Variants in PDE4D observed in about 807,000 individuals in gnomAD.
PDE4D encodes phosphodiesterase 4D.
PDE4D carries 24 observed loss-of-function variants against 87.4 expected under a neutral mutation model. The observed-to-expected ratio is 0.27, with a 90% CI of 0.20 to 0.39. The LOEUF is 0.39. PDE4D is among the 10% of genes least tolerant of loss of function. The probability of loss-of-function intolerance (pLI) is 1.00; values close to 1 mark genes in which losing one functional copy is unlikely to be tolerated. For synonymous variants in PDE4D, 384 were observed against 383.2 expected (o/e 1.00, Z -0.02); for missense variants, 714 against 1,041.0 (o/e 0.69, Z 4.32).
rs1477148256 is a variant in PDE4D at position 59,067,035 on chromosome 5, G to T, written c.809-28064C>A. ...TTATTTATTTATTTATTTATTTAGA[G>T]AGAGAGTTTTGCTCTGTCACTCGGG... On this transcript the variant is annotated intron_variant, in intron 5 of 14. Coordinates refer to ENST00000340635, the MANE Select transcript of PDE4D (RefSeq NM_001104631.2). Among the ~76,000 whole-genome samples, 165 of 116,834 alleles carry T rather than the reference G, an allele frequency of 1.4e-3. 1 individual carries two copies. The highest frequency in any genetic ancestry group is 2.2e-3 in the Admixed American group (25 of 11,432). 76.6% of individuals were successfully genotyped at this position (116,834 alleles called of 152,430 possible).
chr5:59,013,319 T>C (rs1021290483), intron 6 of PDE4D, among the ~76,000 whole-genome samples: 7 of 151,744 alleles, frequency 4.6e-5, no homozygotes, highest in Non-Finnish European at 8.8e-5. Flanking sequence ...CTGAAGGAGA[T>C]AGAGACACAA....
intron 1 of PDE4D, among the ~76,000 whole-genome samples, chr5:59,393,260 T>G (rs548432383): frequency 6.6e-6 from 1 of 152,128 alleles, no homozygotes; most frequent in Non-Finnish European, 1.5e-5. Context: ...TTGAGATCAA[T>G]GCCAGAGATG....
intron 1 of PDE4D, among the ~76,000 whole-genome samples, chr5:60,220,143 G>C (rs1383046610): frequency 6.6e-6 from 1 of 152,172 alleles, no homozygotes; most frequent in Non-Finnish European, 1.5e-5. Flanking sequence ...CTCCAGGCTT[G>C]TGGGTGGCAG....
At chr5:60,204,218 C>T (rs1013282429) in intron 1 of PDE4D, among the ~76,000 whole-genome samples, 2 of 152,170 alleles carry the variant, frequency 1.3e-5, no homozygotes, top group Non-Finnish European at 2.9e-5. Context: ...AGCTATCTCT[C>T]TATCTCTCTG....
chr5:59,794,137 G>GCACACACACACACA (rs58204799), intron 1 of PDE4D, among the ~76,000 whole-genome samples: 1 of 144,956 alleles, frequency 6.9e-6, no homozygotes, highest in African/African-American at 2.6e-5. Flanking sequence ...ACACAGAGGC[G>GCACACACACACACA]CACACACACA....
intron 1 of PDE4D, among the ~76,000 whole-genome samples, chr5:59,715,460 T>C (rs1467666658): frequency 1.3e-5 from 2 of 152,292 alleles, no homozygotes; most frequent in South Asian, 4.1e-4. Context: ...CCTGGACTGC[T>C]CACAGTCCAG....
intron 1 of PDE4D, among the ~76,000 whole-genome samples, chr5:59,241,617 G>GT (rs2153522730): frequency 6.6e-6 from 1 of 152,310 alleles, no homozygotes; most frequent in East Asian, 1.9e-4. Flanking sequence ...AAGAGAGAGG[G>GT]TAACTTTACT....
intron 1 of PDE4D, among the ~76,000 whole-genome samples, chr5:59,738,874 T>TACA (rs1387780172): frequency 1.3e-5 from 2 of 151,998 alleles, no homozygotes; most frequent in African/African-American, 2.4e-5. Context: ...AGTAGAGCTT[T>TACA]ACACAAATTT....
intron 2 of PDE4D, among the ~76,000 whole-genome samples, chr5:60,056,896 T>G (rs1288597460): frequency 4.6e-5 from 7 of 152,032 alleles, no homozygotes; most frequent in African/African-American, 1.7e-4. Context: ...GGTAGAACTA[T>G]AGCTATTTTA....
At chr5:60,359,687 TATAAA>T (rs1759894772) in intron 1 of PDE4D, among the ~76,000 whole-genome samples, 1 of 152,238 alleles carries the variant, frequency 6.6e-6, no homozygotes, top group East Asian at 1.9e-4. Flanking sequence ...AAACACATCT[TATAAA>T]ATGTCTTCTG....
chr5:59,326,740 G>C (rs1292708091), intron 1 of PDE4D, among the ~76,000 whole-genome samples: 1 of 151,730 alleles, frequency 6.6e-6, no homozygotes, highest in Non-Finnish European at 1.5e-5. Context: ...ATGAAAAAAA[G>C]CATATTATTT....
chr5:59,283,338 C>T (rs958834193), intron 1 of PDE4D, among the ~76,000 whole-genome samples: 4 of 152,148 alleles, frequency 2.6e-5, no homozygotes, highest in African/African-American at 9.7e-5. Flanking sequence ...ACTCCCTTTA[C>T]ACATAGCTTG....
In PDE4D at chr5:59,512,837, T is replaced by C. The variant is rs113422361; in HGVS notation, c.456-296869A>G. Among the ~76,000 whole-genome samples, 297 of 152,216 alleles carry C rather than the reference T, an allele frequency of 2.0e-3. 3 individuals are homozygous for C. Among genetic ancestry groups the C allele is most frequent in the African/African-American group, 6.8e-3 (282 of 41,564 alleles). ...ATAGCAATGCCACTGAACAGACAAG[T>C]ATAAAGTAATACCAAGGACAAAGAT... On this transcript the variant is annotated intron_variant, in intron 1 of 14. Transcript: ENST00000340635.
At position 60,127,278 on chromosome 5, in the gene PDE4D, C is replaced by T. The variant is rs138659327; in HGVS notation, c.42+58279G>A. On this transcript the variant is annotated intron_variant, in intron 2 of 16. Coordinates refer to the PDE4D transcript ENST00000502484. The stretch of plus-strand genomic sequence containing the variant: ...ATTATTGAGCCCCTGGACAATCACA[C>T]AAAAATGACGTTAATAGTCTTAAGA... Among the ~76,000 whole-genome samples the T allele has an allele frequency of 4.3e-3, 658 of 152,206 alleles. 5 individuals carry two copies. The highest frequency in any genetic ancestry group is 0.015 in the African/African-American group (639 of 41,522).
intron 1 of PDE4D, among the ~76,000 whole-genome samples, chr5:59,678,746 C>A (rs1447433090): frequency 6.6e-6 from 1 of 152,164 alleles, no homozygotes; most frequent in Non-Finnish European, 1.5e-5. Context: ...CAGGTGTGAG[C>A]CACCGCACCT....
intron 1 of PDE4D, among the ~76,000 whole-genome samples, chr5:60,350,453 C>A (rs1281364063): frequency 6.6e-6 from 1 of 152,170 alleles, no homozygotes; most frequent in African/African-American, 2.4e-5. Flanking sequence ...AGAAACTTCT[C>A]ATGCACTGGT....
chr5:60,059,435 G>A (rs188460775), intron 2 of PDE4D, among the ~76,000 whole-genome samples: 84 of 152,034 alleles, frequency 5.5e-4, no homozygotes, highest in Middle Eastern at 3.4e-3. Flanking sequence ...TCACTAAAGG[G>A]GAGAAAAGTA....
chr5:59,535,339 A>G (rs936983139), intron 1 of PDE4D, among the ~76,000 whole-genome samples: 2 of 152,218 alleles, frequency 1.3e-5, no homozygotes, highest in Non-Finnish European at 2.9e-5. Flanking sequence ...CAGATTTTTT[A>G]AAGTTCCCCA....
intron 3 of PDE4D, among the ~76,000 whole-genome samples, chr5:59,915,048 T>C (rs1753892157): frequency 6.6e-6 from 1 of 152,088 alleles, no homozygotes; most frequent in Non-Finnish European, 1.5e-5. Context: ...CAGAGTTTGT[T>C]TTAAGACAGA....
Sources: gnomAD v4.1 joint callset for allele counts (sites outside exome capture counted in the v4.1 genomes callset) on GRCh38, gnomAD v4.1.1 for gene constraint, MANE v1.5 for transcripts, NCBI Gene and HGNC (gene_info 2026-07-23, HGNC 2026-07-21) for gene names.